Variants in ENTPD1 observed in about 807,000 individuals in gnomAD.
ENTPD1 encodes the protein ATP diphosphohydrolase.
Under a neutral mutation model 57.0 loss-of-function variants are expected in ENTPD1, and 33 were observed. The observed-to-expected ratio is 0.58, with a 90% confidence interval of 0.44 to 0.77. The LOEUF (loss-of-function observed/expected upper bound fraction) is 0.77, where lower values mean the gene tolerates loss of function less well. Among genes scored for constraint, ENTPD1 ranks in the 30% least tolerant of loss-of-function variants. The pLI is 0.00. For missense variants in ENTPD1, 501 were observed against 603.4 expected, an observed-to-expected ratio of 0.83 and a Z score of 1.78; for synonymous variants, 202 against 218.8, an observed-to-expected ratio of 0.92 and a Z score of 0.68.
At chr10:95,765,111 A>G (rs1022838018) in intron 1 of ENTPD1, among the ~76,000 whole-genome samples, 12 of 152,172 alleles carry the variant, frequency 7.9e-5, no homozygotes, top group African/African-American at 2.9e-4. Context: ...ATGATTTCCA[A>G]AAATTTTCTC....
intron 7 of ENTPD1, among the ~76,000 whole-genome samples, chr10:95,856,097 T>C (rs984932869): frequency 6.6e-6 from 1 of 152,218 alleles, no homozygotes; most frequent in African/African-American, 2.4e-5. Flanking sequence ...ATTTGGTCTT[T>C]TCACATAATC....
intron 7 of ENTPD1, among the ~76,000 whole-genome samples, chr10:95,848,880 T>A (rs540792853): frequency 2.0e-5 from 3 of 151,946 alleles, no homozygotes; most frequent in Admixed American, 2.0e-4. Flanking sequence ...TTTCCTCTAC[T>A]TGGGTAAAAT....
intron 1 of ENTPD1, among the ~76,000 whole-genome samples, chr10:95,715,505 T>C (rs945859353): frequency 2.0e-5 from 3 of 152,120 alleles, no homozygotes; most frequent in African/African-American, 7.2e-5. Flanking sequence ...ATCCTGACAA[T>C]TTTTGTCTTT....
chr10:95,756,321 C>G, intron 1 of ENTPD1, 66 bp downstream of exon 1: 1 of 1,513,412 alleles, frequency 6.6e-7, no homozygotes, highest in African/African-American at 1.4e-5. Context: ...AATAAAAGCC[C>G]AGACCAAAAA....
At chr10:95,828,970 C>G (rs2098387807) in intron 2 of ENTPD1, among the ~76,000 whole-genome samples, 1 of 152,170 alleles carries the variant, frequency 6.6e-6, no homozygotes, top group African/African-American at 2.4e-5. Context: ...CTCGGCCTCC[C>G]AAAGTGCTGG....
rs1328887834 is a variant in ENTPD1 at position 95,867,335 on chromosome 10, T to C, written c.*952T>C. The C allele has an allele frequency of 1.2e-5, 12 of 985,444 alleles. No homozygotes were observed. The highest frequency in any genetic ancestry group is 2.3e-4 in the East Asian group (2 of 8,824). 61.0% of individuals were successfully genotyped at this position (985,444 alleles called of 1,614,324 possible). ...TCACCACTATTTAGTTCCAGAACATTTGCATCATCAATACATTGTCTAGAG... is the reference window on the plus strand; with the variant it reads ...TCACCACTATTTAGTTCCAGAACATCTGCATCATCAATACATTGTCTAGAG... On this transcript the variant is annotated 3_prime_UTR_variant, in exon 10 of 10. Transcript: ENST00000371205.
At chr10:95,837,087 T>G (rs1256035357) in intron 2 of ENTPD1, among the ~76,000 whole-genome samples, 1 of 152,218 alleles carries the variant, frequency 6.6e-6, no homozygotes, top group African/African-American at 2.4e-5. Flanking sequence ...TGAAACGTAG[T>G]AAAAGTTTTT....
chr10:95,842,227 C>T (rs1388944930), intron 3 of ENTPD1, 117 bp from the exon 4 acceptor site: 6 of 908,984 alleles, frequency 6.6e-6, no homozygotes, highest in Admixed American at 2.2e-5. Flanking sequence ...ATGTATAGTA[C>T]ATCAGGAAAT....
At chr10:95,774,171 C>T (rs929621530) in intron 1 of ENTPD1, among the ~76,000 whole-genome samples, 16 of 151,888 alleles carry the variant, frequency 1.1e-4, no homozygotes, top group South Asian at 2.1e-4. Context: ...GCCCACTTTT[C>T]GATGGAGTTG....
Position 95,869,106 on chromosome 10 carries a change from T to C in ENTPD1, c.*2723T>C. 1 of 985,246 alleles carries C rather than the reference T, an allele frequency of 1.0e-6. No homozygotes were observed. The highest frequency in any genetic ancestry group is 1.2e-6 in the Non-Finnish European group (1 of 829,904). 61.0% of individuals were successfully genotyped at this position (985,246 alleles called of 1,614,324 possible). ...TCACTGATTACCATTCTCCCCTGGATTTTCACCCAGGACTCAAAACTTGGT... is the reference window on the plus strand; with the variant it reads ...TCACTGATTACCATTCTCCCCTGGACTTTCACCCAGGACTCAAAACTTGGT... On this transcript the variant is annotated 3_prime_UTR_variant, in exon 10 of 10. Coordinates refer to ENST00000371205, the MANE Select transcript of ENTPD1 (RefSeq NM_001776.6).
intron 1 of ENTPD1, among the ~76,000 whole-genome samples, chr10:95,747,514 C>T (rs551565333): frequency 3.9e-5 from 6 of 152,298 alleles, no homozygotes; most frequent in South Asian, 2.1e-4. Context: ...CCACCCTATC[C>T]GACTAGCTCT....
chr10:95,866,126 T>C (rs374585924), intron 9 of ENTPD1, 51 bp from the exon 10 acceptor site: 66 of 1,575,970 alleles, frequency 4.2e-5, no homozygotes, highest in Non-Finnish European at 2.3e-5. Flanking sequence ...CCCTAGGTGA[T>C]AACTCTTCTA....
At chr10:95,859,310 G>A (rs763534886) in intron 7 of ENTPD1, among the ~76,000 whole-genome samples, 4 of 152,128 alleles carry the variant, frequency 2.6e-5, no homozygotes, top group Non-Finnish European at 2.9e-5. Flanking sequence ...GCTACCTCCT[G>A]TTTCTTTGCC....
At chr10:95,728,315 G>A (rs2097985798) in intron 1 of ENTPD1, among the ~76,000 whole-genome samples, 1 of 111,154 alleles carries the variant, frequency 9.0e-6, no homozygotes, top group African/African-American at 3.4e-5. Context: ...AGTAAGCTAA[G>A]TAAAGAAAAG....
chr10:95,746,971 C>T (rs896763621), intron 1 of ENTPD1, among the ~76,000 whole-genome samples: 1 of 152,130 alleles, frequency 6.6e-6, no homozygotes, highest in African/African-American at 2.4e-5. Context: ...AATATGCATT[C>T]ACCAACACCA....
At chr10:95,811,846 T>C (rs1049232648) in intron 1 of ENTPD1, among the ~76,000 whole-genome samples, 2 of 152,234 alleles carry the variant, frequency 1.3e-5, no homozygotes, top group African/African-American at 4.8e-5. Context: ...TCATTTTTAG[T>C]CTTTTGCCAT....
intron 1 of ENTPD1, among the ~76,000 whole-genome samples, chr10:95,810,034 G>A (rs1450498637): frequency 2.1e-5 from 3 of 140,794 alleles, no homozygotes; most frequent in South Asian, 2.4e-4. Flanking sequence ...GGTCGCAGTC[G>A]GGCAGAGGCA....
intron 1 of ENTPD1, among the ~76,000 whole-genome samples, chr10:95,814,801 C>T (rs571603816): frequency 3.3e-5 from 5 of 152,314 alleles, no homozygotes; most frequent in East Asian, 1.9e-4. Context: ...ATCAGTGGAA[C>T]AGGACATGGG....
intron 1 of ENTPD1, among the ~76,000 whole-genome samples, chr10:95,731,084 A>T (rs919556143): frequency 6.6e-6 from 1 of 152,248 alleles, no homozygotes; most frequent in Non-Finnish European, 1.5e-5. Flanking sequence ...TTCCAGTTTC[A>T]CTAGTTTTAG....
Sources: gnomAD v4.1 joint callset for allele counts (sites outside exome capture counted in the v4.1 genomes callset) on GRCh38, gnomAD v4.1.1 for gene constraint, MANE v1.5 for transcripts, NCBI Gene and HGNC (gene_info 2026-07-23, HGNC 2026-07-21) for gene names.